Variants in BPIFB1 observed in about 807,000 individuals in gnomAD.
BPIFB1 encodes BPI fold-containing family B member 1.
A neutral mutation model predicts 55.1 loss-of-function variants in BPIFB1; 34 were observed. That is an observed-to-expected ratio of 0.62 (90% CI 0.47 to 0.82). BPIFB1 has a LOEUF of 0.82. Among genes scored for constraint, BPIFB1 ranks in the 40% least tolerant of loss-of-function variants. The probability of loss-of-function intolerance (pLI) is 0.00; values close to 1 mark genes in which losing one functional copy is unlikely to be tolerated. For missense variants in BPIFB1, 532 were observed against 593.1 expected (o/e 0.90, Z 1.07); for synonymous variants, 236 against 245.3 (o/e 0.96, Z 0.35).
intron 13 of BPIFB1, among the ~76,000 whole-genome samples, chr20:33,305,374 G>C (rs1980990178): frequency 7.1e-6 from 1 of 140,130 alleles, no homozygotes; most frequent in Non-Finnish European, 1.5e-5. Context: ...CTGGAGAGCA[G>C]TGGTGTGATC....
At chr20:33,308,899 TAC>T (rs1313477615) in intron 15 of BPIFB1, among the ~76,000 whole-genome samples, 1 of 144,094 alleles carries the variant, frequency 6.9e-6, no homozygotes, top group African/African-American at 2.6e-5. Context: ...CACACATACA[TAC>T]ACACACATAC....
In BPIFB1 at chr20:33,306,908, C is replaced by G. The variant is rs1321013989; in HGVS notation, c.1319-3C>G. Reference sequence around the variant, plus strand: ...CAGTTTCTGACCACATTTGTTATTTCAGGCAAATTAAGATCTGGGGTCCCA... The same window carrying G: ...CAGTTTCTGACCACATTTGTTATTTGAGGCAAATTAAGATCTGGGGTCCCA... On this transcript the variant is annotated splice_region_variant and splice_polypyrimidine_tract_variant and intron_variant, in intron 14 of 15. Transcript: ENST00000253354. 6.2e-7 allele frequency: 1 copy of G among 1,613,332 alleles called. No homozygotes were observed. The highest frequency in any genetic ancestry group is 1.3e-5 in the African/African-American group (1 of 74,926).
intron 13 of BPIFB1, 31 bp downstream of exon 13, chr20:33,304,922 C>T: frequency 6.2e-7 from 1 of 1,612,060 alleles, no homozygotes; most frequent in Non-Finnish European, 8.5e-7. Context: ...CCTGAGGGCA[C>T]AGGGGGTGGC....
chr20:33,302,456 G>A (rs367885211), intron 10 of BPIFB1, 44 bp downstream of exon 10: 3 of 1,603,506 alleles, frequency 1.9e-6, no homozygotes, highest in African/African-American at 1.3e-5. Flanking sequence ...GTTTGCTGTG[G>A]TCTGGACACA....
At chr20:33,287,283 C>G (rs1489480205) in intron 2 of BPIFB1, among the ~76,000 whole-genome samples, 1 of 152,114 alleles carries the variant, frequency 6.6e-6, no homozygotes, top group Admixed American at 6.5e-5. Flanking sequence ...TGTGGGGAGG[C>G]AAGGCAGGGA....
intron 12 of BPIFB1, among the ~76,000 whole-genome samples, chr20:33,304,577 C>G (rs73615642): frequency 6.6e-6 from 1 of 152,188 alleles, no homozygotes; most frequent in East Asian, 1.9e-4. Flanking sequence ...TTTGAAGGAG[C>G]TTGGGCCTCC....
intron 6 of BPIFB1, among the ~76,000 whole-genome samples, chr20:33,295,945 AGAG>A (rs1303959294): frequency 1.6e-5 from 2 of 125,170 alleles, no homozygotes; most frequent in Admixed American, 1.8e-4. Context: ...GGACGGAAAA[AGAG>A]AGAGAGGGAG....
intron 2 of BPIFB1, among the ~76,000 whole-genome samples, chr20:33,288,481 G>T (rs892881300): frequency 2.0e-5 from 3 of 152,168 alleles, no homozygotes; most frequent in African/African-American, 7.2e-5. Flanking sequence ...TCCCCACAGA[G>T]GCTGGCAATG....
At position 33,304,776 on chromosome 20, in the gene BPIFB1, G is replaced by A. The variant is rs575646579; in HGVS notation, c.1209-70G>A. On this transcript the variant is annotated intron_variant, in intron 12 of 15. Coordinates refer to ENST00000253354, the MANE Select transcript of BPIFB1 (RefSeq NM_033197.3). ...GCACATAATAGGTGCTCAATAAATC[G>A]CTGTTGAATGAGTGGATGGTGAATG... 190 of 1,579,448 alleles carry A rather than the reference G, an allele frequency of 1.2e-4. 1 individual carries two copies. In the South Asian group the frequency reaches 1.3e-3, roughly 11 times the overall value.
At chr20:33,290,670 G>A (rs1023850288) in intron 4 of BPIFB1, among the ~76,000 whole-genome samples, 2 of 152,222 alleles carry the variant, frequency 1.3e-5, no homozygotes, top group Non-Finnish European at 1.5e-5. Flanking sequence ...GTCTGGGGAA[G>A]AGCCAGTCCA....
rs745861295 is a variant in BPIFB1 at position 33,292,018 on chromosome 20, T to TG, written c.597+33dup. 6.2e-6 allele frequency: 10 copies of TG among 1,601,616 alleles called. No homozygotes were observed. In the African/African-American group the frequency reaches 8.0e-5, roughly 13 times the overall value. On this transcript the variant is annotated intron_variant, in intron 6 of 15. Transcript: ENST00000253354. ...GTGGAATCAGGGCCTCTCTGGCCTG[T>TG]GGGCATTGCGCCCCCTGTGGGGCTT...
rs566689115 is a variant in BPIFB1 at position 33,286,874 on chromosome 20, G to A, written c.115+686G>A. 4.7e-4 allele frequency among the ~76,000 whole-genome samples: 71 copies of A among 152,304 alleles called. 2 individuals carry two copies. The highest frequency in any genetic ancestry group is 3.4e-3 in the Middle Eastern group (1 of 294). On this transcript the variant is annotated intron_variant, in intron 2 of 15. Coordinates refer to ENST00000253354, the MANE Select transcript of BPIFB1 (RefSeq NM_033197.3). ...AGACATTGACAAATATCTCTTAGGG[G>A]ACAAAATCATCTCAGTGGAGAACGA... is the stretch of plus-strand genomic sequence containing the variant.
At chr20:33,295,949 A>AGG in intron 6 of BPIFB1, among the ~76,000 whole-genome samples, 1 of 117,644 alleles carries the variant, frequency 8.5e-6, no homozygotes, top group African/African-American at 3.3e-5. Context: ...GGAAAAAGAG[A>AGG]GAGAGGGAGG....
rs1981155321 is a variant in BPIFB1 at position 33,309,312 on chromosome 20, G to A, written c.1396-396G>A. On this transcript the variant is annotated intron_variant, in intron 15 of 15. Coordinates refer to ENST00000253354, the MANE Select transcript of BPIFB1 (RefSeq NM_033197.3). This position sits in a 1 kb window ranked among gnomAD's most constrained non-coding sequence, Gnocchi z 4.4. ...CTGTTGTGATCAGTGGCTGCACACA[G>A]TAGGTGTTTAGTAAATGCCTGCTAA... Among the ~76,000 whole-genome samples, 1 of 152,196 alleles carries A rather than the reference G, an allele frequency of 6.6e-6. No homozygotes were observed. Among genetic ancestry groups the A allele is most frequent in the African/African-American group, 2.4e-5 (1 of 41,454 alleles).
At chr20:33,299,204 G>A (rs1490508908) in intron 7 of BPIFB1, 3 of 456,440 alleles carry the variant, frequency 6.6e-6, no homozygotes, top group East Asian at 7.0e-5. Flanking sequence ...CCCCGAGGAC[G>A]GGCCCGGAGG....
intron 4 of BPIFB1, among the ~76,000 whole-genome samples, 173 bp downstream of exon 4, chr20:33,290,165 C>T (rs777977215): frequency 6.3e-4 from 96 of 152,112 alleles, no homozygotes; most frequent in Non-Finnish European, 1.1e-3. Flanking sequence ...ATGGCAAAGA[C>T]AGGGGAAAGA....
intron 7 of BPIFB1, among the ~76,000 whole-genome samples, chr20:33,299,458 A>G (rs1980772413): frequency 6.6e-6 from 1 of 152,144 alleles, no homozygotes; most frequent in Non-Finnish European, 1.5e-5. Flanking sequence ...CAGACCCAGA[A>G]CCACCTGCAT....
intron 15 of BPIFB1, among the ~76,000 whole-genome samples, chr20:33,308,682 A>G (rs1415861296): frequency 2.0e-5 from 3 of 147,500 alleles, no homozygotes; most frequent in African/African-American, 7.8e-5. Flanking sequence ...ACACCTTTAT[A>G]CACATACATA....
rs202191306 is a variant in BPIFB1, at chr20:33,303,098, T to G, written c.1140+24T>G. 17 of 1,611,688 alleles carry G rather than the reference T, an allele frequency of 1.1e-5. No homozygotes were observed. In the African/African-American group the frequency reaches 2.0e-4, roughly 19 times the overall value. Reference sequence around the variant, plus strand: ...TCGTGAGTTCAGTTGTCTGCGATATTGGCAGCAACCAGGGGGACCCTTCTG... The same window carrying G: ...TCGTGAGTTCAGTTGTCTGCGATATGGGCAGCAACCAGGGGGACCCTTCTG... On this transcript the variant is annotated intron_variant, in intron 11 of 15. Coordinates refer to ENST00000253354, the MANE Select transcript of BPIFB1 (RefSeq NM_033197.3).
Sources: gnomAD v4.1 joint callset for allele counts (sites outside exome capture counted in the v4.1 genomes callset) on GRCh38, gnomAD v4.1.1 for gene constraint, Gnocchi (gnomAD v3.1) non-coding constraint, MANE v1.5 for transcripts, NCBI Gene and HGNC (gene_info 2026-07-23, HGNC 2026-07-21) for gene names.